SGPP2: variants seen among roughly 807,000 people sequenced by gnomAD.
SGPP2 encodes sphingosine-1-phosphate phosphatase 2.
In SGPP2, 30 loss-of-function variants were observed where a neutral mutation model predicts 33.9. That is an observed-to-expected ratio of 0.89 (90% CI 0.66 to 1.20). The LOEUF (loss-of-function observed/expected upper bound fraction) is 1.20. Ranked by LOEUF, SGPP2 falls within the 50% of genes most tolerant of loss-of-function variation. SGPP2 has a pLI of 0.00. For missense variants in SGPP2, 458 were observed against 532.1 expected, an observed-to-expected ratio of 0.86 and a Z score of 1.37; for synonymous variants, 233 against 225.0, an observed-to-expected ratio of 1.04 and a Z score of -0.32.
intron 1 of SGPP2, among the ~76,000 whole-genome samples, chr2:222,440,100 A>G (rs576008651): frequency 6.6e-6 from 1 of 152,352 alleles, no homozygotes; most frequent in African/African-American, 2.4e-5. Flanking sequence ...CTTTTACTAC[A>G]GGCATTATTT....
At chr2:222,521,997 A>G (rs886625775) in intron 3 of SGPP2, 51 bp downstream of exon 3, 2 of 1,437,528 alleles carry the variant, frequency 1.4e-6, no homozygotes, top group African/African-American at 2.9e-5. Flanking sequence ...CAGCAAATAG[A>G]GGCTGCACTT....
chr2:222,530,234 T>C (rs1023004854), intron 4 of SGPP2, among the ~76,000 whole-genome samples: 1 of 152,192 alleles, frequency 6.6e-6, no homozygotes, highest in Admixed American at 6.5e-5. Context: ...TAAATGGCCA[T>C]TGGTTCACCT....
At position 222,525,053 on chromosome 2, in the gene SGPP2, T is replaced by C; in HGVS notation, c.648+20T>C. ...GTCCTGGTAAGGCTTTGTGGTCAGGTCTTGTGGTGATTGTTTGAATGATAT... is the reference window on the plus strand; with the variant it reads ...GTCCTGGTAAGGCTTTGTGGTCAGGCCTTGTGGTGATTGTTTGAATGATAT... On this transcript the variant is annotated intron_variant, in intron 4 of 4. Transcript: ENST00000321276. 1.3e-6 allele frequency: 2 copies of C among 1,583,408 alleles called. No individual in the cohort carries two copies. The highest frequency in any genetic ancestry group is 8.6e-7 in the Non-Finnish European group (1 of 1,156,514).
At chr2:222,555,206 C>G (rs1461787721) in intron 4 of SGPP2, among the ~76,000 whole-genome samples, 1 of 152,182 alleles carries the variant, frequency 6.6e-6, no homozygotes, top group Non-Finnish European at 1.5e-5. Flanking sequence ...CTTTTTACTG[C>G]TGAGAAGTAT....
chr2:222,473,430 C>T (rs1477724596), intron 1 of SGPP2, among the ~76,000 whole-genome samples: 1 of 152,138 alleles, frequency 6.6e-6, no homozygotes, highest in Non-Finnish European at 1.5e-5. Context: ...TCTGCCTCCT[C>T]CTTCCATTTC....
Position 222,561,776 on chromosome 2 carries a change from C to T in SGPP2, c.*2878C>T, listed in dbSNP as rs1205450900. Among the ~76,000 whole-genome samples the T allele has an allele frequency of 6.6e-6, 1 of 151,726 alleles. No individual in the cohort carries two copies. The highest frequency in any genetic ancestry group is 2.4e-5 in the African/African-American group (1 of 41,274). ...AATGAAAAGTGTATATTGGTGACGC[C>T]AACCTCAGTTTCTGAGCACTCCTGC... On this transcript the variant is annotated 3_prime_UTR_variant, in exon 5 of 5. Transcript: ENST00000321276.
intron 2 of SGPP2, among the ~76,000 whole-genome samples, chr2:222,516,773 G>A (rs1698609440): frequency 6.6e-6 from 1 of 152,172 alleles, no homozygotes; most frequent in South Asian, 2.1e-4. Context: ...TTAGACCATA[G>A]CAGTAGGTCC....
chr2:222,444,128 C>T (rs977380475), intron 1 of SGPP2, among the ~76,000 whole-genome samples: 1 of 152,146 alleles, frequency 6.6e-6, no homozygotes, highest in Non-Finnish European at 1.5e-5. Context: ...AGAAGAAATT[C>T]CTCTCTTGTT....
chr2:222,479,940 C>G (rs1698004640), intron 2 of SGPP2, among the ~76,000 whole-genome samples: 1 of 152,208 alleles, frequency 6.6e-6, no homozygotes, highest in Non-Finnish European at 1.5e-5. Context: ...CTTCTCTCCT[C>G]TGTCCTGTAT....
intron 4 of SGPP2, among the ~76,000 whole-genome samples, chr2:222,540,820 T>TTG (rs1404078886): frequency 2.1e-5 from 3 of 145,952 alleles, no homozygotes; most frequent in Non-Finnish European, 4.5e-5. Context: ...ATAAACTGTT[T>TTG]TTTTTTTTTT....
intron 1 of SGPP2, among the ~76,000 whole-genome samples, chr2:222,443,533 C>T (rs756059352): frequency 4.6e-5 from 7 of 152,270 alleles, no homozygotes; most frequent in South Asian, 2.1e-4. Context: ...GAGGGGCTAC[C>T]GTAGAGAAAA....
chr2:222,487,880 G>A (rs751949302), intron 2 of SGPP2, among the ~76,000 whole-genome samples: 3 of 152,062 alleles, frequency 2.0e-5, no homozygotes, highest in African/African-American at 4.8e-5. Flanking sequence ...GAAGAGTTCC[G>A]CTTGGCAACC....
At chr2:222,503,304 A>C (rs1219645509) in intron 2 of SGPP2, among the ~76,000 whole-genome samples, 1 of 152,270 alleles carries the variant, frequency 6.6e-6, no homozygotes, top group Admixed American at 6.5e-5. Flanking sequence ...ATGAATTTAA[A>C]TTTTATTAAA....
intron 1 of SGPP2, among the ~76,000 whole-genome samples, chr2:222,437,016 A>G (rs10804306): frequency 0.77 from 116,876 of 152,034 alleles, 45,075 homozygotes; most frequent in Middle Eastern, 0.9. Context: ...TGAAGACAGG[A>G]GTGGCTGGGG....
rs1698083606 is a variant in SGPP2 at position 222,485,012 on chromosome 2, C to T, written c.378+10286C>T. Among the ~76,000 whole-genome samples, 4 of 152,306 alleles carry T rather than the reference C, an allele frequency of 2.6e-5. No individual in the cohort carries two copies. In the South Asian group the frequency reaches 8.3e-4, roughly 32 times the overall value. The stretch of plus-strand genomic sequence containing the variant: ...TGCCCCTCCGCTACATGTACAAGTA[C>T]TTTACACTCAAGAACCCATTTTACA... On this transcript the variant is annotated intron_variant, in intron 2 of 4. Coordinates refer to ENST00000321276, the MANE Select transcript of SGPP2 (RefSeq NM_152386.4).
Position 222,465,508 on chromosome 2 carries a change from T to C in SGPP2, c.220-9060T>C, listed in dbSNP as rs1412093458. ...TTCAGGACACCACAGGTCTCCCTCATGGTAGAAATGATGCCATTTCACCCC... is the reference window on the plus strand; with the variant it reads ...TTCAGGACACCACAGGTCTCCCTCACGGTAGAAATGATGCCATTTCACCCC... On this transcript the variant is annotated intron_variant, in intron 1 of 4. Transcript: ENST00000321276. The surrounding 1 kb of genome is among the most constrained non-coding windows in gnomAD (Gnocchi z 4.1). 1.3e-5 allele frequency among the ~76,000 whole-genome samples: 2 copies of C among 152,208 alleles called. No homozygotes were observed. The highest frequency in any genetic ancestry group is 6.5e-5 in the Admixed American group (1 of 15,288).
Position 222,498,502 on chromosome 2 carries a change from T to C in SGPP2, c.379-23265T>C, listed in dbSNP as rs192169930. The C allele has an allele frequency of 2.0e-5, 3 of 151,398 alleles. No individual in the cohort carries two copies. The East Asian group carries it at 5.8e-4, about 29-fold the overall frequency. 9.4% of individuals were successfully genotyped at this position (151,398 alleles called of 1,614,324 possible). A position where few individuals can be genotyped will look rare whatever the true frequency, so the allele number is the denominator to read the frequency against. On this transcript the variant is annotated intron_variant, in intron 2 of 4. Transcript: ENST00000321276. ...GATCACTGAATCTCAACAGGCATCA[T>C]TCATTCATTCATTCATTCATTCAAA...
At chr2:222,495,441 A>G (rs1407976356) in intron 2 of SGPP2, among the ~76,000 whole-genome samples, 3 of 152,266 alleles carry the variant, frequency 2.0e-5, no homozygotes, top group South Asian at 4.1e-4. Flanking sequence ...AAAAAAATCT[A>G]TCTGCACCGA....
At chr2:222,499,042 G>T (rs1208284036) in intron 2 of SGPP2, among the ~76,000 whole-genome samples, 1 of 152,230 alleles carries the variant, frequency 6.6e-6, no homozygotes, top group Non-Finnish European at 1.5e-5. Context: ...CTTTGAATTG[G>T]TCTTTTCATC....
Sources: allele counts gnomAD v4.1 joint callset (sites outside exome capture counted in the v4.1 genomes callset), GRCh38; gene constraint gnomAD v4.1.1; non-coding constraint Gnocchi (gnomAD v3.1); transcripts MANE v1.5; gene names NCBI Gene and HGNC (gene_info 2026-07-23, HGNC 2026-07-21).